The following ABTB2 variants were observed in gnomAD, a reference collection of about 807,000 sequenced individuals.
ABTB2 encodes the protein ankyrin repeat and BTB domain containing 2.
ABTB2 carries 56 observed loss-of-function variants against 104.1 expected under a neutral mutation model. The observed-to-expected ratio is 0.54, with a 90% CI of 0.43 to 0.67. The LOEUF (loss-of-function observed/expected upper bound fraction) is 0.67, where lower values mean the gene tolerates loss of function less well. ABTB2 is among the 30% of genes least tolerant of loss of function. The pLI, the probability that ABTB2 is intolerant of heterozygous loss-of-function variation, is 0.00. For missense variants in ABTB2, 1,279 were observed against 1,407.7 expected (o/e 0.91, Z 1.46); for synonymous variants, 606 against 608.2 (o/e 1.00, Z 0.05).
chr11:34,165,429 C>T (rs1038883562), intron 7 of ABTB2, 73 bp from the exon 8 acceptor site: 11 of 1,304,388 alleles, frequency 8.4e-6, no homozygotes, highest in South Asian at 1.3e-5. Context: ...AGGGTGCTTT[C>T]GGGGACAGGG....
At chr11:34,350,129 T>C (rs1855380020) in intron 1 of ABTB2, among the ~76,000 whole-genome samples, 1 of 152,172 alleles carries the variant, frequency 6.6e-6, no homozygotes, top group Non-Finnish European at 1.5e-5. Flanking sequence ...CAATTCAGAC[T>C]CCAAAGTCTG....
chr11:34,308,096 C>T (rs1378367937), intron 1 of ABTB2, among the ~76,000 whole-genome samples: 3 of 152,156 alleles, frequency 2.0e-5, no homozygotes, highest in Non-Finnish European at 4.4e-5. Flanking sequence ...TCTGGGCCTC[C>T]TCATCTGCAA....
At chr11:34,325,955 TAAAATAAAATAA>T (rs1855065242) in intron 1 of ABTB2, among the ~76,000 whole-genome samples, 1 of 42,408 alleles carries the variant, frequency 2.4e-5, no homozygotes, top group Non-Finnish European at 6.7e-5. Flanking sequence ...TCTCAAAAAA[TAAAATAAAATAA>T]AATAAAATAA....
At chr11:34,351,186 T>C (rs947066543) in intron 1 of ABTB2, among the ~76,000 whole-genome samples, 3 of 151,968 alleles carry the variant, frequency 2.0e-5, no homozygotes, top group Non-Finnish European at 4.4e-5. Flanking sequence ...CCCAGGAATG[T>C]CTTGGCAATT....
At chr11:34,282,405 T>G (rs955778991) in intron 1 of ABTB2, among the ~76,000 whole-genome samples, 2 of 152,206 alleles carry the variant, frequency 1.3e-5, no homozygotes, top group Non-Finnish European at 2.9e-5. Context: ...AAAGCAGGTT[T>G]TAAAATAGTA....
At chr11:34,275,397 C>T (rs1854371454) in intron 1 of ABTB2, among the ~76,000 whole-genome samples, 1 of 152,198 alleles carries the variant, frequency 6.6e-6, no homozygotes, top group Admixed American at 6.5e-5. Context: ...AGAAGCCACA[C>T]ACACTTGACT....
At chr11:34,287,593 G>A (rs973129952) in intron 1 of ABTB2, among the ~76,000 whole-genome samples, 2 of 152,166 alleles carry the variant, frequency 1.3e-5, no homozygotes, top group African/African-American at 4.8e-5. Flanking sequence ...CTGCAACTAT[G>A]AATGAGCAGT....
chr11:34,227,095 G>A (rs1042976838), intron 1 of ABTB2, among the ~76,000 whole-genome samples: 2 of 151,806 alleles, frequency 1.3e-5, no homozygotes, highest in Non-Finnish European at 2.9e-5. Context: ...CCAACATGGC[G>A]AAATCCCGTC....
chr11:34,170,784 G>A (rs1852862100), intron 5 of ABTB2, 122 bp downstream of exon 5: 16 of 1,229,566 alleles, frequency 1.3e-5, no homozygotes, highest in Middle Eastern at 2.8e-4. Flanking sequence ...GAGGTAGCCC[G>A]CCTTTTCGAA....
chr11:34,168,215 A>G lies in ABTB2; in HGVS notation c.1564-223T>C, dbSNP rs191180474. Among the ~76,000 whole-genome samples, 437 of 152,336 alleles carry G rather than the reference A, an allele frequency of 2.9e-3. 5 individuals carry two copies. Among genetic ancestry groups the G allele is most frequent in the Non-Finnish European group, 2.3e-3 (156 of 68,022 alleles). On this transcript the variant is annotated intron_variant, in intron 5 of 16. Coordinates refer to ENST00000435224, the MANE Select transcript of ABTB2 (RefSeq NM_145804.3). ...ACTGCAGGACACTGGAGCAGGGCCC[A>G]GCACAGGCCGTGCAGCCAGGCTCGG... is the stretch of plus-strand genomic sequence containing the variant.
intron 1 of ABTB2, among the ~76,000 whole-genome samples, chr11:34,291,574 C>T (rs1332955127): frequency 6.6e-6 from 1 of 152,296 alleles, no homozygotes; most frequent in Admixed American, 6.5e-5. Flanking sequence ...TGGCTCACTG[C>T]AACTTCTGCC....
intron 1 of ABTB2, among the ~76,000 whole-genome samples, chr11:34,317,555 T>C (rs1854948863): frequency 6.6e-6 from 1 of 151,934 alleles, no homozygotes; most frequent in Non-Finnish European, 1.5e-5. Context: ...GGAGGATCGC[T>C]TCAGTATAGG....
intron 1 of ABTB2, among the ~76,000 whole-genome samples, chr11:34,284,700 CA>C: frequency 6.6e-6 from 1 of 152,166 alleles, no homozygotes; most frequent in East Asian, 1.9e-4. Flanking sequence ...GGCTTAAACA[CA>C]CATAGGAACA....
At chr11:34,275,833 T>A (rs1854375819) in intron 1 of ABTB2, among the ~76,000 whole-genome samples, 1 of 152,160 alleles carries the variant, frequency 6.6e-6, no homozygotes, top group Non-Finnish European at 1.5e-5. Context: ...CCCTATGAGA[T>A]AAAGCACTTA....
At chr11:34,237,216 G>A (rs751524544) in intron 1 of ABTB2, among the ~76,000 whole-genome samples, 1 of 151,948 alleles carries the variant, frequency 6.6e-6, no homozygotes, top group South Asian at 2.1e-4. Context: ...TCCATACTGG[G>A]GGCTTTCATG....
intron 1 of ABTB2, among the ~76,000 whole-genome samples, chr11:34,225,826 A>G (rs1349926455): frequency 2.0e-5 from 3 of 152,266 alleles, no homozygotes; most frequent in East Asian, 1.9e-4. Context: ...GAAAGAAGAA[A>G]GTATCTGAAA....
chr11:34,232,646 A>G (rs1853787729), intron 1 of ABTB2, among the ~76,000 whole-genome samples: 1 of 152,046 alleles, frequency 6.6e-6, no homozygotes, highest in Non-Finnish European at 1.5e-5. Flanking sequence ...ATTTGTTTGC[A>G]AAGTATTTAT....
Position 34,357,307 on chromosome 11 carries a change from C to T in ABTB2, c.277G>A (p.Glu93Lys), listed in dbSNP as rs1357992973. ...DLFSRCPRLP[E>K]LEEFPWTEGD... The stretch of plus-strand genomic sequence containing the variant: ...TCGGTCCAGGGGAACTCCTCCAGCT[C>T]GGGGAGCCGCGGACAGCGCGAGAAG... Residue 93 changes from glutamate (E) to lysine (K), a missense_variant, in exon 1 of 17, where the codon GAG becomes AAG. Glu to Lys is a moderately conservative substitution (Grantham distance 56). Coordinates refer to ENST00000435224, the MANE Select transcript of ABTB2 (RefSeq NM_145804.3). The T allele has an allele frequency of 6.6e-7, 1 of 1,511,672 alleles. No individual in the cohort carries two copies. The highest frequency in any genetic ancestry group is 1.4e-5 in the African/African-American group (1 of 71,854). The allele number at this position is 1,511,672 out of a possible 1,614,324, so 93.6% of individuals were successfully genotyped here.
At chr11:34,190,588 A>G (rs1221470466) in intron 3 of ABTB2, among the ~76,000 whole-genome samples, 1 of 152,242 alleles carries the variant, frequency 6.6e-6, no homozygotes, top group Non-Finnish European at 1.5e-5. Context: ...CACTTAAGAC[A>G]GTATCTGTCT....
Sources: allele counts gnomAD v4.1 joint callset (sites outside exome capture counted in the v4.1 genomes callset), GRCh38; gene constraint gnomAD v4.1.1; transcripts MANE v1.5; gene names NCBI Gene and HGNC (gene_info 2026-07-23, HGNC 2026-07-21).